FREM1: variants seen among roughly 807,000 people sequenced by gnomAD.
The protein encoded by FREM1 is FRAS1-related extracellular matrix protein 1.
Under a neutral mutation model 210.1 loss-of-function variants are expected in FREM1, and 220 were observed. The ratio of observed to expected loss-of-function variants is 1.05; its 90% CI spans 0.94 to 1.17. The LOEUF (loss-of-function observed/expected upper bound fraction) is 1.17. Among genes scored for constraint, FREM1 ranks in the 50% most tolerant of loss-of-function variants. FREM1 has a pLI of 0.00. For synonymous variants in FREM1, 1,189 were observed against 980.2 expected, an observed-to-expected ratio of 1.21 and a Z score of -3.98; for missense variants, 3,454 against 2,675.5, an observed-to-expected ratio of 1.29 and a Z score of -6.42.
At chr9:14,814,282 A>T (rs1362227438) in intron 15 of FREM1, among the ~76,000 whole-genome samples, 1 of 152,180 alleles carries the variant, frequency 6.6e-6, no homozygotes, top group Non-Finnish European at 1.5e-5. Flanking sequence ...TAATCTGTTT[A>T]ATGCCTGTCT....
At chr9:14,773,584 G>C (rs1847989209) in intron 25 of FREM1, among the ~76,000 whole-genome samples, 1 of 148,568 alleles carries the variant, frequency 6.7e-6, no homozygotes, top group South Asian at 2.1e-4. Flanking sequence ...AGCTTACCTT[G>C]TGGGGTTTTT....
intron 1 of FREM1, among the ~76,000 whole-genome samples, chr9:14,900,831 T>C (rs1227729597): frequency 1.3e-5 from 2 of 152,192 alleles, no homozygotes; most frequent in Non-Finnish European, 2.9e-5. Flanking sequence ...TTATAGTGCA[T>C]GGAAATCACA....
In FREM1 at chr9:14,854,773, C is replaced by A. The variant is rs184125108; in HGVS notation, c.828+2780G>T. Among the ~76,000 whole-genome samples the A allele has an allele frequency of 5.9e-4, 90 of 152,064 alleles. 1 individual carries two copies. The highest frequency in any genetic ancestry group is 1.1e-3 in the Non-Finnish European group (73 of 67,898). On this transcript the variant is annotated intron_variant, in intron 5 of 36. Coordinates refer to ENST00000380880, the MANE Select transcript of FREM1 (RefSeq NM_001379081.2). ...TAGCTTTTCTGTTTATCATCAATAA[C>A]CATTGAGAAGATATAATGGGAGAAA...
rs549999821 is a variant in FREM1, at chr9:14,740,271, C to A, written c.6255-37G>T. ...TGAAAATGAGAGTATCAGCAACAAGCAGTTAACATTTCTGCTGATACGAAA... is the reference window on the plus strand; with the variant it reads ...TGAAAATGAGAGTATCAGCAACAAGAAGTTAACATTTCTGCTGATACGAAA... On this transcript the variant is annotated intron_variant, in intron 35 of 36. Transcript: ENST00000380880. The A allele has an allele frequency of 4.0e-5, 57 of 1,432,562 alleles. No individual in the cohort carries two copies. In the East Asian group the frequency reaches 1.3e-3, roughly 33 times the overall value. The allele number at this position is 1,432,562 out of a possible 1,614,324, so 88.7% of individuals were successfully genotyped here.
chr9:14,883,914 C>T (rs7048783), intron 1 of FREM1, among the ~76,000 whole-genome samples: 49,990 of 152,090 alleles, frequency 0.33, 8,509 homozygotes, highest in East Asian at 0.51. Flanking sequence ...CCATATTCCC[C>T]AAGGGAGCTT....
chr9:14,837,706 A>G (rs1824892468), intron 10 of FREM1, among the ~76,000 whole-genome samples: 1 of 152,228 alleles, frequency 6.6e-6, no homozygotes, highest in South Asian at 2.1e-4. Context: ...TTTGTAGATT[A>G]GCGAAACACT....
Position 14,836,652 on chromosome 9 carries a change from A to T in FREM1, c.1881+4795T>A, listed in dbSNP as rs1306191578. 9.9e-5 allele frequency among the ~76,000 whole-genome samples: 15 copies of T among 152,194 alleles called. No individual in the cohort carries two copies. Among genetic ancestry groups the T allele is most frequent in the Non-Finnish European group, 2.2e-4 (15 of 68,042 alleles). On this transcript the variant is annotated intron_variant, in intron 10 of 36. Coordinates refer to ENST00000380880, the MANE Select transcript of FREM1 (RefSeq NM_001379081.2). This position sits in a 1 kb window ranked among gnomAD's most constrained non-coding sequence, Gnocchi z 4.9. ...ATTTGGACGTTGTATATTCAGTACT[A>T]TGACTCAAATTGTTTCTTCTCGCCT...
intron 10 of FREM1, among the ~76,000 whole-genome samples, chr9:14,826,433 T>A (rs1396104599): frequency 6.6e-6 from 1 of 152,144 alleles, no homozygotes; most frequent in African/African-American, 2.4e-5. Flanking sequence ...AATCCAACAC[T>A]CTAATTATAC....
intron 23 of FREM1, 25 bp from the exon 24 acceptor site, chr9:14,784,659 C>A: frequency 3.4e-6 from 5 of 1,469,902 alleles, no homozygotes; most frequent in East Asian, 4.8e-5. Flanking sequence ...AGGTTATGGT[C>A]AATAATCATA....
Position 14,801,856 on chromosome 9 carries a change from T to G in FREM1, c.3490A>C (p.Lys1164Gln). 6.2e-7 allele frequency: 1 copy of G among 1,611,884 alleles called. No individual in the cohort carries two copies. The highest frequency in any genetic ancestry group is 1.1e-5 in the South Asian group (1 of 90,734). Residue 1164 changes from lysine to glutamine, a missense_variant, in exon 20 of 37, where the codon AAA becomes CAA. By Grantham distance (53) the Lys-to-Gln change is moderately conservative. Transcript: ENST00000380880. The stretch of plus-strand genomic sequence containing the variant: ...CTGATGATGGAAGAGTCCAGCTCTT[T>G]CATCTGACCCTCACACACCTGAGCA... ...QNITVCEGQM[K>Q]ELDSSIISAV...
intron 1 of FREM1, among the ~76,000 whole-genome samples, chr9:14,871,204 G>C (rs974146765): frequency 6.6e-6 from 1 of 152,116 alleles, no homozygotes; most frequent in African/African-American, 2.4e-5. Flanking sequence ...GGTATTTCTA[G>C]TTCTAGATCC....
chr9:14,822,363 G>T (rs970657749), intron 13 of FREM1, among the ~76,000 whole-genome samples: 1 of 152,170 alleles, frequency 6.6e-6, no homozygotes, highest in Non-Finnish European at 1.5e-5. Context: ...GAGATGATGA[G>T]GAGTCAGGAA....
chr9:14,845,882 A>T, intron 8 of FREM1, 78 bp downstream of exon 8: 1 of 1,453,884 alleles, frequency 6.9e-7, no homozygotes, highest in Non-Finnish European at 9.5e-7. Flanking sequence ...GAGATGCTAC[A>T]TATATCTGTT....
chr9:14,869,187 C>A lies in FREM1; in HGVS notation c.-210G>T. 1 of 509,636 alleles carries A rather than the reference C, an allele frequency of 2.0e-6. No homozygotes were observed. Among genetic ancestry groups the A allele is most frequent in the Non-Finnish European group, 3.5e-6 (1 of 286,850 alleles). 31.6% of individuals were successfully genotyped at this position (509,636 alleles called of 1,614,324 possible). On this transcript the variant is annotated 5_prime_UTR_variant, in exon 2 of 37. Coordinates refer to ENST00000380880, the MANE Select transcript of FREM1 (RefSeq NM_001379081.2). The stretch of plus-strand genomic sequence containing the variant: ...ATCCCAGGGCTTTTAATAAAACTCG[C>A]TGATCACTCCTGACAACGCCGGCAA...
intron 3 of FREM1, among the ~76,000 whole-genome samples, chr9:14,860,781 A>ATG (rs1564101499): frequency 1.6e-5 from 1 of 63,472 alleles, no homozygotes; most frequent in African/African-American, 8.5e-5. Flanking sequence ...ACACATATAT[A>ATG]CATATATACA....
chr9:14,788,410 A>G (rs1056517551), intron 23 of FREM1, among the ~76,000 whole-genome samples: 4 of 152,226 alleles, frequency 2.6e-5, no homozygotes, highest in African/African-American at 9.6e-5. Context: ...TAAAGAGTAT[A>G]TGTTAGCACT....
intron 25 of FREM1, among the ~76,000 whole-genome samples, chr9:14,771,219 C>A (rs894298620): frequency 2.0e-5 from 3 of 152,148 alleles, no homozygotes; most frequent in African/African-American, 7.2e-5. Flanking sequence ...TTCATGTTAA[C>A]TCCACAGAAG....
chr9:14,785,679 C>T (rs566761976), intron 23 of FREM1, among the ~76,000 whole-genome samples: 13 of 86,674 alleles, frequency 1.5e-4, no homozygotes, highest in African/African-American at 5.2e-4. Flanking sequence ...GTGAAATAAG[C>T]CAGTCATGAA....
At chr9:14,806,528 A>G in intron 18 of FREM1, 133 bp downstream of exon 18, 1 of 630,158 alleles carries the variant, frequency 1.6e-6, no homozygotes, top group Non-Finnish European at 2.8e-6. Flanking sequence ...TGCTGGGATT[A>G]CAGGCATCAG....
Sources: gnomAD v4.1 joint callset for allele counts (sites outside exome capture counted in the v4.1 genomes callset) on GRCh38, gnomAD v4.1.1 for gene constraint, Gnocchi (gnomAD v3.1) non-coding constraint, MANE v1.5 for transcripts, NCBI Gene and HGNC (gene_info 2026-07-23, HGNC 2026-07-21) for gene names.